The following PTPRD variants were observed in gnomAD, a reference collection of about 807,000 sequenced individuals.
PTPRD encodes the protein protein tyrosine phosphatase receptor type D, also known as receptor-type tyrosine-protein phosphatase delta.
Under a neutral mutation model 214.5 loss-of-function variants are expected in PTPRD, and 34 were observed. The ratio of observed to expected loss-of-function variants is 0.16; its 90% CI spans 0.12 to 0.21. The LOEUF (loss-of-function observed/expected upper bound fraction) is 0.21, where lower values mean the gene tolerates loss of function less well. Ranked by LOEUF, PTPRD falls within the 10% of genes least tolerant of loss-of-function variation. The pLI, the probability that PTPRD is intolerant of heterozygous loss-of-function variation, is 1.00. For synonymous variants in PTPRD, 1,128 were observed against 845.7 expected, an observed-to-expected ratio of 1.33 and a Z score of -5.79; for missense variants, 2,545 against 2,398.7, an observed-to-expected ratio of 1.06 and a Z score of -1.27.
chr9:8,628,838 C>T (rs577212655), intron 14 of PTPRD, among the ~76,000 whole-genome samples: 1 of 151,722 alleles, frequency 6.6e-6, no homozygotes, highest in Admixed American at 6.6e-5. Context: ...ATTTGCTAAA[C>T]TAGGTAACTA....
chr9:9,934,048 A>T (rs1475002843), intron 5 of PTPRD, among the ~76,000 whole-genome samples: 2 of 149,726 alleles, frequency 1.3e-5, no homozygotes, highest in African/African-American at 2.5e-5. Flanking sequence ...AAGACACAAC[A>T]TACCAGAATC....
At chr9:8,873,029 A>G (rs75556044) in intron 11 of PTPRD, among the ~76,000 whole-genome samples, 1 of 152,224 alleles carries the variant, frequency 6.6e-6, no homozygotes, top group African/African-American at 2.4e-5. Flanking sequence ...TGGAATACTT[A>G]CAATCTGTTC....
chr9:8,357,010 T>C (rs1000212575), intron 39 of PTPRD, among the ~76,000 whole-genome samples: 4 of 152,180 alleles, frequency 2.6e-5, no homozygotes, highest in Admixed American at 6.5e-5. Context: ...AAAATTACTA[T>C]ATTTGAGTAA....
chr9:10,354,239 C>T (rs560334570), intron 2 of PTPRD, among the ~76,000 whole-genome samples: 2 of 152,184 alleles, frequency 1.3e-5, no homozygotes, highest in African/African-American at 4.8e-5. Context: ...TTGCAATTTG[C>T]TTAGCTTTAC....
At chr9:10,009,954 G>A (rs181418600) in intron 4 of PTPRD, among the ~76,000 whole-genome samples, 114 of 151,888 alleles carry the variant, frequency 7.5e-4, no homozygotes, top group African/African-American at 2.6e-3. Flanking sequence ...GTATAATGAA[G>A]CATATCCAAT....
chr9:10,449,693 T>G (rs1171803451), intron 2 of PTPRD, among the ~76,000 whole-genome samples: 1 of 145,666 alleles, frequency 6.9e-6, no homozygotes, highest in Non-Finnish European at 1.5e-5. Flanking sequence ...CCGCCCCGTC[T>G]GAGAAGTGAG....
chr9:8,831,933 G>A (rs1354292080), intron 11 of PTPRD, among the ~76,000 whole-genome samples: 2 of 152,008 alleles, frequency 1.3e-5, no homozygotes, highest in South Asian at 4.1e-4. Flanking sequence ...TTGGAAATGG[G>A]TACAAGTTGT....
chr9:9,670,456 C>G (rs2096805920), intron 7 of PTPRD, among the ~76,000 whole-genome samples: 1 of 152,136 alleles, frequency 6.6e-6, no homozygotes, highest in South Asian at 2.1e-4. Context: ...AAGCTGGCTT[C>G]AGAAATTCAC....
At chr9:9,499,911 A>G (rs2096348111) in intron 8 of PTPRD, among the ~76,000 whole-genome samples, 1 of 152,082 alleles carries the variant, frequency 6.6e-6, no homozygotes, top group Admixed American at 6.6e-5. Flanking sequence ...ATAAACTGCA[A>G]TGAAAACTGA....
intron 8 of PTPRD, among the ~76,000 whole-genome samples, chr9:9,499,931 A>G (rs1328759125): frequency 6.6e-6 from 1 of 152,074 alleles, no homozygotes; most frequent in Non-Finnish European, 1.5e-5. Context: ...ATCCATACCA[A>G]GCAGAAGTGA....
At chr9:8,359,255 C>T (rs895621045) in intron 39 of PTPRD, among the ~76,000 whole-genome samples, 1 of 151,418 alleles carries the variant, frequency 6.6e-6, no homozygotes, top group African/African-American at 2.4e-5. Context: ...GTTAGAAATG[C>T]AATTTTTCAG....
At chr9:8,531,519 C>A (rs1276409968) in intron 14 of PTPRD, among the ~76,000 whole-genome samples, 5 of 152,002 alleles carry the variant, frequency 3.3e-5, no homozygotes, top group African/African-American at 9.7e-5. Context: ...AACTATACCG[C>A]CTTCATAAAA....
At chr9:9,290,675 C>G (rs985626550) in intron 9 of PTPRD, among the ~76,000 whole-genome samples, 95 of 151,418 alleles carry the variant, frequency 6.3e-4, no homozygotes, top group Admixed American at 6.1e-3. Context: ...TATGTAAATA[C>G]TTTGAATCAA....
intron 6 of PTPRD, among the ~76,000 whole-genome samples, chr9:9,743,679 T>G (rs2098427078): frequency 6.7e-6 from 1 of 150,094 alleles, no homozygotes; most frequent in Non-Finnish European, 1.5e-5. Flanking sequence ...AAAACACTCC[T>G]TTGGCACCCC....
At chr9:8,995,781 CA>C (rs2099394303) in intron 11 of PTPRD, among the ~76,000 whole-genome samples, 1 of 151,396 alleles carries the variant, frequency 6.6e-6, no homozygotes, top group South Asian at 2.1e-4. Context: ...TTAGGATACA[CA>C]ATACTAGTTT....
At chr9:8,794,296 G>C (rs1160668788) in intron 11 of PTPRD, among the ~76,000 whole-genome samples, 1 of 152,158 alleles carries the variant, frequency 6.6e-6, no homozygotes, top group African/African-American at 2.4e-5. Flanking sequence ...GCAGAAAGGG[G>C]ATGCAACTGA....
intron 8 of PTPRD, among the ~76,000 whole-genome samples, chr9:9,453,607 T>A (rs1383614717): frequency 6.6e-6 from 1 of 151,686 alleles, no homozygotes; most frequent in East Asian, 1.9e-4. Flanking sequence ...TCCATTTATA[T>A]TTCAGTCAAG....
chr9:9,800,416 A>G (rs1459034227), intron 5 of PTPRD: 1 of 152,210 alleles, frequency 6.6e-6, no homozygotes, highest in East Asian at 1.9e-4. Flanking sequence ...GAACTCAGCC[A>G]TTTGGAAAGA....
At chr9:9,915,227 G>A (rs2080378862) in intron 5 of PTPRD, among the ~76,000 whole-genome samples, 1 of 152,088 alleles carries the variant, frequency 6.6e-6, no homozygotes. Flanking sequence ...CCATTCGTAT[G>A]AACATATCTT....
Sources: gnomAD v4.1 joint callset for allele counts (sites outside exome capture counted in the v4.1 genomes callset) on GRCh38, gnomAD v4.1.1 for gene constraint, MANE v1.5 for transcripts, NCBI Gene and HGNC (gene_info 2026-07-23, HGNC 2026-07-21) for gene names.